The following TENM4 variants were observed in gnomAD, a reference collection of about 807,000 sequenced individuals.
The protein encoded by TENM4 is teneurin-4.
Under a neutral mutation model 243.3 loss-of-function variants are expected in TENM4, and 82 were observed. The ratio of observed to expected loss-of-function variants is 0.34; its 90% CI spans 0.28 to 0.40. TENM4 has a LOEUF of 0.40. TENM4 is among the 10% of genes least tolerant of loss of function. The pLI, the probability that TENM4 is intolerant of heterozygous loss-of-function variation, is 1.00. For missense variants in TENM4, 3,138 were observed against 3,673.3 expected, an observed-to-expected ratio of 0.85 and a Z score of 3.77; for synonymous variants, 1,412 against 1,456.3, an observed-to-expected ratio of 0.97 and a Z score of 0.69.
intron 2 of TENM4, among the ~76,000 whole-genome samples, chr11:79,251,261 T>C (rs1037723926): frequency 6.6e-6 from 1 of 152,210 alleles, no homozygotes; most frequent in Non-Finnish European, 1.5e-5. Flanking sequence ...CCTCCCTCCA[T>C]GTATGAGATG....
chr11:79,370,779 T>TAAAAAAAAAAAAAAAAAAAAAAAAAA (rs544196671), intron 1 of TENM4, among the ~76,000 whole-genome samples: 3 of 57,142 alleles, frequency 5.3e-5, no homozygotes, highest in African/African-American at 1.2e-4. Context: ...ACTCCTATGG[T>TAAAAAAAAAAAAAAAAAAAAAAAAAA]AAAAAAAAAA....
At chr11:79,375,308 GA>G (rs1281364422) in intron 1 of TENM4, among the ~76,000 whole-genome samples, 2 of 151,636 alleles carry the variant, frequency 1.3e-5, no homozygotes, top group Non-Finnish European at 2.9e-5. Context: ...AAAAAATTTG[GA>G]AAAAAGAAAA....
chr11:78,973,162 C>T (rs73502642), intron 6 of TENM4, among the ~76,000 whole-genome samples: 2,443 of 152,310 alleles, frequency 0.016, 54 homozygotes, highest in African/African-American at 0.047. Flanking sequence ...GTATACATTT[C>T]TGTGTGAGAG....
chr11:78,868,576 G>A (rs1428096488), intron 9 of TENM4, among the ~76,000 whole-genome samples: 2 of 152,188 alleles, frequency 1.3e-5, no homozygotes, highest in Admixed American at 6.5e-5. Context: ...CTCAGAAAGT[G>A]CAAGCTCTAT....
intron 16 of TENM4, among the ~76,000 whole-genome samples, chr11:78,779,413 A>G (rs1378324183): frequency 2.0e-5 from 3 of 152,208 alleles, no homozygotes; most frequent in South Asian, 2.1e-4. Flanking sequence ...TTGTTTTCCA[A>G]TGGAGGGGTT....
At chr11:78,704,556 G>T (rs1259865897) in intron 27 of TENM4, among the ~76,000 whole-genome samples, 1 of 152,114 alleles carries the variant, frequency 6.6e-6, no homozygotes, top group East Asian at 1.9e-4. Context: ...TAATGACATG[G>T]AGAAATGTTT....
At chr11:79,389,798 A>C (rs370459732) in intron 1 of TENM4, among the ~76,000 whole-genome samples, 10 of 152,334 alleles carry the variant, frequency 6.6e-5, no homozygotes, top group African/African-American at 2.4e-4. Context: ...CTCAATTATT[A>C]TTATATTTTG....
intron 1 of TENM4, among the ~76,000 whole-genome samples, chr11:79,378,980 C>G (rs1332417213): frequency 6.6e-6 from 1 of 151,548 alleles, no homozygotes; most frequent in African/African-American, 2.4e-5. Context: ...CTTCTGCATT[C>G]TTTCTGCAAA....
At chr11:79,009,177 G>A (rs774951918) in intron 6 of TENM4, among the ~76,000 whole-genome samples, 26 of 152,038 alleles carry the variant, frequency 1.7e-4, no homozygotes, top group Admixed American at 8.5e-4. Context: ...AGCCCAACCC[G>A]AACACTAACC....
At chr11:79,345,964 C>A (rs1310245910) in intron 1 of TENM4, among the ~76,000 whole-genome samples, 1 of 152,116 alleles carries the variant, frequency 6.6e-6, no homozygotes, top group Non-Finnish European at 1.5e-5. Flanking sequence ...GAAATAGATT[C>A]TCAGGTCTTT....
chr11:78,989,618 T>C (rs908213333), intron 6 of TENM4, among the ~76,000 whole-genome samples: 1 of 152,340 alleles, frequency 6.6e-6, no homozygotes, highest in South Asian at 2.1e-4. Flanking sequence ...CATCTTCAAG[T>C]TAAACAGCTC....
intron 6 of TENM4, among the ~76,000 whole-genome samples, chr11:78,933,953 G>C (rs540559313): frequency 1.2e-4 from 18 of 152,276 alleles, no homozygotes; most frequent in African/African-American, 3.4e-4. Context: ...CTGGGGAAAG[G>C]GGGGGACAAG....
At chr11:78,817,686 G>T (rs1414062516) in intron 12 of TENM4, among the ~76,000 whole-genome samples, 1 of 152,200 alleles carries the variant, frequency 6.6e-6, no homozygotes, top group Non-Finnish European at 1.5e-5. Flanking sequence ...TTAAGCTACT[G>T]GGCTAATTGT....
intron 3 of TENM4, among the ~76,000 whole-genome samples, chr11:79,164,457 GTATA>G (rs112956094): frequency 2.4e-5 from 3 of 126,710 alleles, no homozygotes; most frequent in Non-Finnish European, 4.7e-5. Context: ...AGTATATATA[GTATA>G]TATATAGTGT....
chr11:78,745,979 G>T (rs1244526325), intron 19 of TENM4, among the ~76,000 whole-genome samples: 1 of 152,012 alleles, frequency 6.6e-6, no homozygotes, highest in Non-Finnish European at 1.5e-5. Flanking sequence ...TTGAGACAGG[G>T]TCTTGCTCTG....
At position 78,715,933 on chromosome 11, in the gene TENM4, A is replaced by C. The variant is rs144035681; in HGVS notation, c.3822-3219T>G. ...ACCTGTCTGCAGAACAGAGCTGCAG[A>C]GATGACTACCACTGATAAGAATGCA... On this transcript the variant is annotated intron_variant, in intron 25 of 33. Transcript: ENST00000278550. Among the ~76,000 whole-genome samples the C allele has an allele frequency of 2.3e-3, 357 of 152,352 alleles. 2 individuals carry two copies. Among genetic ancestry groups the C allele is most frequent in the African/African-American group, 8.3e-3 (344 of 41,588 alleles).
intron 17 of TENM4, among the ~76,000 whole-genome samples, chr11:78,773,515 G>A (rs1282348470): frequency 6.6e-6 from 1 of 152,036 alleles, no homozygotes; most frequent in Non-Finnish European, 1.5e-5. Context: ...AACCTCAGGT[G>A]GGGCTCACAG....
intron 6 of TENM4, among the ~76,000 whole-genome samples, chr11:78,920,710 C>T (rs1340836211): frequency 6.6e-6 from 1 of 152,108 alleles, no homozygotes; most frequent in African/African-American, 2.4e-5. Context: ...AAACATCAAA[C>T]AAGATTATAT....
intron 4 of TENM4, among the ~76,000 whole-genome samples, chr11:79,085,974 C>A (rs570897564): frequency 6.6e-6 from 1 of 152,274 alleles, no homozygotes; most frequent in East Asian, 1.9e-4. Context: ...ATACAAACAC[C>A]ACAAGCACAG....
Sources: gnomAD v4.1 joint callset for allele counts (sites outside exome capture counted in the v4.1 genomes callset) on GRCh38, gnomAD v4.1.1 for gene constraint, MANE v1.5 for transcripts, NCBI Gene and HGNC (gene_info 2026-07-23, HGNC 2026-07-21) for gene names.